Variants in DNAAF4 observed in about 807,000 individuals in gnomAD.
The protein encoded by DNAAF4 is dynein assembly factor 4, axonemal.
Under a neutral mutation model 51.8 loss-of-function variants are expected in DNAAF4, and 43 were observed. That is an observed-to-expected ratio of 0.83 (90% CI 0.65 to 1.07). The LOEUF is 1.07. Ranked by LOEUF, DNAAF4 falls within the 50% of genes least tolerant of loss-of-function variation. The pLI is 0.00. For missense variants in DNAAF4, 581 were observed against 493.0 expected, an observed-to-expected ratio of 1.18 and a Z score of -1.69; for synonymous variants, 194 against 165.6, an observed-to-expected ratio of 1.17 and a Z score of -1.32.
chr15:55,430,551 C>T lies in DNAAF4; in HGVS notation c.*119G>A. 1 of 1,345,624 alleles carries T rather than the reference C, an allele frequency of 7.4e-7. No individual in the cohort carries two copies. The highest frequency in any genetic ancestry group is 9.6e-7 in the Non-Finnish European group (1 of 1,047,060). The allele number at this position is 1,345,624 out of a possible 1,614,324, so 83.4% of individuals were successfully genotyped here. ...CTATAGATTTATAATATTTTGCCCT[C>T]AACAGAACTAAAGTACTAAACAGAA... On this transcript the variant is annotated 3_prime_UTR_variant, in exon 10 of 10. Transcript: ENST00000321149.
intron 4 of DNAAF4, among the ~76,000 whole-genome samples, chr15:55,470,269 C>A (rs1447882277): frequency 6.6e-6 from 1 of 152,050 alleles, no homozygotes; most frequent in Non-Finnish European, 1.5e-5. Context: ...CCAGGCTGAT[C>A]TTGAACTCCT....
At chr15:55,440,382 T>C (rs1463558228) in intron 6 of DNAAF4, among the ~76,000 whole-genome samples, 2 of 150,610 alleles carry the variant, frequency 1.3e-5, no homozygotes, top group Admixed American at 6.6e-5. Context: ...GCAATATTTA[T>C]ATATATATAT....
chr15:55,463,971 T>G (rs1393680653), intron 5 of DNAAF4, among the ~76,000 whole-genome samples: 2 of 151,998 alleles, frequency 1.3e-5, no homozygotes, highest in Admixed American at 6.6e-5. Context: ...AAAATTCATA[T>G]AGAACAAAAA....
intron 5 of DNAAF4, among the ~76,000 whole-genome samples, chr15:55,460,017 T>C (rs2058072147): frequency 6.6e-6 from 1 of 151,488 alleles, no homozygotes; most frequent in Non-Finnish European, 1.5e-5. Context: ...TAGCTATTCT[T>C]ATACAAAACA....
chr15:55,448,249 C>T (rs988615162), intron 6 of DNAAF4, among the ~76,000 whole-genome samples: 6 of 152,044 alleles, frequency 3.9e-5, no homozygotes, highest in Admixed American at 2.6e-4. Flanking sequence ...CCTTGCATCC[C>T]AGGGATGAAG....
chr15:55,499,601 C>A (rs1304507207), intron 1 of DNAAF4, among the ~76,000 whole-genome samples: 1 of 152,186 alleles, frequency 6.6e-6, no homozygotes, highest in Non-Finnish European at 1.5e-5. Context: ...TTGTATCCTG[C>A]AAATCCTATT....
At chr15:55,430,089 C>G (rs1231244549), downstream of DNAAF4, among the ~76,000 whole-genome samples, 1 of 152,118 alleles carries the variant, frequency 6.6e-6, no homozygotes, top group Non-Finnish European at 1.5e-5. Flanking sequence ...GATCAGTTTT[C>G]AGGTGCACAG....
At chr15:55,501,940 G>A (rs1027214198) in intron 1 of DNAAF4, among the ~76,000 whole-genome samples, 21 of 152,002 alleles carry the variant, frequency 1.4e-4, no homozygotes, top group Non-Finnish European at 1.2e-4. Flanking sequence ...CTACTCAGGA[G>A]GCTGAGGCAG....
intron 2 of DNAAF4, 123 bp from the exon 3 acceptor site, chr15:55,497,982 A>G: frequency 7.3e-7 from 1 of 1,371,692 alleles, no homozygotes; most frequent in Non-Finnish European, 9.8e-7. Context: ...CCAGGTAGTG[A>G]AAGATTAGCA....
chr15:55,442,532 C>CTTCT, intron 6 of DNAAF4: 1 of 829,058 alleles, frequency 1.2e-6, no homozygotes, highest in Non-Finnish European at 2.1e-6. Flanking sequence ...TCTTGGCAGG[C>CTTCT]TTCTCCCTAC....
intron 1 of DNAAF4, among the ~76,000 whole-genome samples, chr15:55,502,029 G>A (rs1312578230): frequency 6.6e-6 from 1 of 151,010 alleles, no homozygotes; most frequent in Non-Finnish European, 1.5e-5. Flanking sequence ...GGCAACAAGA[G>A]CAAGACTCTG....
intron 1 of DNAAF4, among the ~76,000 whole-genome samples, chr15:55,505,009 T>C (rs1348598339): frequency 1.3e-5 from 2 of 152,156 alleles, no homozygotes; most frequent in African/African-American, 4.8e-5. Context: ...AGAAAATTTT[T>C]GCAATCTATC....
chr15:55,470,341 C>T (rs1046195221), intron 4 of DNAAF4, among the ~76,000 whole-genome samples: 11 of 151,918 alleles, frequency 7.2e-5, no homozygotes, highest in Non-Finnish European at 1.6e-4. Context: ...CGTGAGCCAC[C>T]GCGCCCAGCC....
chr15:55,428,484 C>CTTTTTTTTTTTTTTTTTTTTT (rs747325376), downstream of DNAAF4, among the ~76,000 whole-genome samples: 1 of 85,014 alleles, frequency 1.2e-5, no homozygotes, highest in Non-Finnish European at 2.3e-5. Flanking sequence ...TCTTTTTTTT[C>CTTTTTTTTTTTTTTTTTTTTT]TTTTTTTTTT....
intron 8 of DNAAF4, among the ~76,000 whole-genome samples, chr15:55,433,439 A>G (rs2057528699): frequency 6.6e-6 from 1 of 152,048 alleles, no homozygotes; most frequent in South Asian, 2.1e-4. Flanking sequence ...ATCCTGGCTA[A>G]CACGGTGAAA....
rs889115137 is a variant in DNAAF4 at position 55,486,979 on chromosome 15, C to G, written c.405+4144G>C. Among the ~76,000 whole-genome samples the G allele has an allele frequency of 5.9e-5, 9 of 152,158 alleles. No individual in the cohort carries two copies. The East Asian group carries it at 1.7e-3, about 29-fold the overall frequency. The stretch of plus-strand genomic sequence containing the variant: ...GCCTCCTCCCTGCAACCTCTTCAAA[C>G]TCATTAGCCAGAACGAGCTTTCTAA... On this transcript the variant is annotated intron_variant, in intron 4 of 9. Transcript: ENST00000321149.
At chr15:55,479,603 G>A (rs949716667) in intron 4 of DNAAF4, among the ~76,000 whole-genome samples, 6 of 152,132 alleles carry the variant, frequency 3.9e-5, no homozygotes, top group Non-Finnish European at 5.9e-5. Flanking sequence ...GGCAAAAAGA[G>A]TCACATTTTT....
rs530107914 is a variant in DNAAF4, at chr15:55,473,682, T to C, written c.406-6521A>G. Among the ~76,000 whole-genome samples the C allele has an allele frequency of 1.8e-4, 27 of 152,188 alleles. No individual in the cohort carries two copies. In the South Asian group the frequency reaches 5.4e-3, roughly 30 times the overall value. On this transcript the variant is annotated intron_variant, in intron 4 of 9. Transcript: ENST00000321149. ...CTGGATAGAAGGACCAAGACTATGT[T>C]ATACTTCATGACGAAATATTAGAAA...
At chr15:55,447,266 G>T (rs1168950964) in intron 6 of DNAAF4, among the ~76,000 whole-genome samples, 1 of 151,310 alleles carries the variant, frequency 6.6e-6, no homozygotes, top group Non-Finnish European at 1.5e-5. Context: ...GTGGCGGTCG[G>T]GCAGAGGTGC....
Sources: gnomAD v4.1 joint callset for allele counts (sites outside exome capture counted in the v4.1 genomes callset) on GRCh38, gnomAD v4.1.1 for gene constraint, MANE v1.5 for transcripts, NCBI Gene and HGNC (gene_info 2026-07-23, HGNC 2026-07-21) for gene names.